The following CILK1 variants were observed in gnomAD, a reference collection of about 807,000 sequenced individuals.
CILK1 encodes the protein ciliogenesis associated kinase 1, also known as serine/threonine-protein kinase ICK.
CILK1 carries 47 observed loss-of-function variants against 79.2 expected under a neutral mutation model. The observed-to-expected ratio is 0.59, with a 90% CI of 0.47 to 0.76. CILK1 has a LOEUF of 0.76. Among genes scored for constraint, CILK1 ranks in the 30% least tolerant of loss-of-function variants. The probability of loss-of-function intolerance (pLI) is 0.00; values close to 1 mark genes in which losing one functional copy is unlikely to be tolerated. For missense variants in CILK1, 660 were observed against 769.5 expected (o/e 0.86, Z 1.68); for synonymous variants, 266 against 275.9 (o/e 0.96, Z 0.36).
Position 53,013,763 on chromosome 6 carries a change from A to AT in CILK1, c.1050_1051insA (p.Tyr351IlefsTer46). On this transcript the variant is annotated frameshift_variant, in exon 9 of 14. Coordinates refer to ENST00000676107, the MANE Select transcript of CILK1 (RefSeq NM_014920.5). LOFTEE classifies it high-confidence loss of function. ...TCTGTCCTGGAGACCTCTGCTTTGT[A>AT]GGGGTACGTGAGATGCAGAGGGGGC... 1 of 1,614,042 alleles carries AT rather than the reference A, an allele frequency of 6.2e-7. No homozygotes were observed. Among genetic ancestry groups the AT allele is most frequent in the Non-Finnish European group, 8.5e-7 (1 of 1,180,002 alleles).
chr6:53,054,992 C>A (rs960246440), intron 1 of CILK1, among the ~76,000 whole-genome samples: 1 of 152,180 alleles, frequency 6.6e-6, no homozygotes, highest in African/African-American at 2.4e-5. Context: ...TTAATGCCAT[C>A]ATTACACATT....
chr6:53,014,747 A>C (rs1764794272), intron 8 of CILK1, among the ~76,000 whole-genome samples: 1 of 152,238 alleles, frequency 6.6e-6, no homozygotes, highest in South Asian at 2.1e-4. Context: ...TCTAGCATCT[A>C]TTATAACTTG....
chr6:53,055,789 C>T (rs1258295419), intron 1 of CILK1, among the ~76,000 whole-genome samples: 1 of 152,128 alleles, frequency 6.6e-6, no homozygotes, highest in Non-Finnish European at 1.5e-5. Context: ...CAATCACTTG[C>T]AGATGATTTT....
At position 53,018,426 on chromosome 6, in the gene CILK1, G is replaced by A. The variant is rs376444173; in HGVS notation, c.567C>T (p.Ile189=). Residue 189 remains isoleucine (I), a synonymous_variant, in exon 7 of 14, where the codon ATC becomes ATT. Transcript: ENST00000676107. ...SPIDVWAVGC[I]MAEVYTLRPL... is the part of the protein sequence containing the mutation. ...GCCTGAGGGTGTAAACTTCTGCCAT[G>A]ATGCAGCCCACCGCCCAGACGTCAA... 82 of 1,614,028 alleles carry A rather than the reference G, an allele frequency of 5.1e-5. No individual in the cohort carries two copies. Among genetic ancestry groups the A allele is most frequent in the Non-Finnish European group, 6.7e-5 (79 of 1,180,018 alleles).
At chr6:53,013,227 G>C (rs1764682134) in intron 9 of CILK1, among the ~76,000 whole-genome samples, 1 of 152,194 alleles carries the variant, frequency 6.6e-6, no homozygotes, top group African/African-American at 2.4e-5. Context: ...TAGGTGCCAG[G>C]TATTATTCTA....
intron 5 of CILK1, among the ~76,000 whole-genome samples, chr6:53,029,422 G>C (rs1562023621): frequency 6.6e-6 from 1 of 152,210 alleles, no homozygotes; most frequent in Non-Finnish European, 1.5e-5. Context: ...TTCACAATTT[G>C]ACTCAGTCTT....
At position 53,004,148 on chromosome 6, in the gene CILK1, T is replaced by C. The variant is rs900743202; in HGVS notation, c.*1001A>G. 2.6e-5 allele frequency: 4 copies of C among 152,646 alleles called. No individual in the cohort carries two copies. The highest frequency in any genetic ancestry group is 4.4e-5 in the Non-Finnish European group (3 of 68,044). The allele number at this position is 152,646 out of a possible 1,614,324, so 9.5% of individuals were successfully genotyped here. Reference sequence around the variant, plus strand: ...CTGCTCCCCAAATTGTCCTGAGAATTTGGCTAGGACAGAACATTAGTCATT... The same window carrying C: ...CTGCTCCCCAAATTGTCCTGAGAATCTGGCTAGGACAGAACATTAGTCATT... On this transcript the variant is annotated 3_prime_UTR_variant, in exon 14 of 14. Coordinates refer to ENST00000676107, the MANE Select transcript of CILK1 (RefSeq NM_014920.5).
intron 1 of CILK1, among the ~76,000 whole-genome samples, chr6:53,051,388 G>T (rs1767472505): frequency 6.6e-6 from 1 of 152,200 alleles, no homozygotes; most frequent in South Asian, 2.1e-4. Flanking sequence ...GGTTTCTGGA[G>T]GTCAGAAGTC....
intron 9 of CILK1, 41 bp downstream of exon 9, chr6:53,013,621 T>C (rs373435993): frequency 9.2e-5 from 145 of 1,573,854 alleles, no homozygotes; most frequent in Non-Finnish European, 1.2e-4. Context: ...AGAAGAGGAA[T>C]AAACAGACAC....
intron 1 of CILK1, among the ~76,000 whole-genome samples, chr6:53,045,830 CAAA>C (rs200914621): frequency 8.3e-6 from 1 of 119,970 alleles, no homozygotes. Flanking sequence ...CTTGATTTGT[CAAA>C]AAAAAAAAAA....
At position 53,002,421 on chromosome 6, in the gene CILK1, CTTACA is replaced by C. The variant is rs746517007; in HGVS notation, c.*2723_*2727del. ...ACAGGTATATCATTTCTGTTGGTGT[CTTACA>C]TTACATTTCATAATTGTATAGTAAC... On this transcript the variant is annotated 3_prime_UTR_variant, in exon 14 of 14. Coordinates refer to ENST00000676107, the MANE Select transcript of CILK1 (RefSeq NM_014920.5). 5.3e-5 allele frequency: 8 copies of C among 152,094 alleles called. No individual in the cohort carries two copies. Among genetic ancestry groups the C allele is most frequent in the Non-Finnish European group, 8.8e-5 (6 of 68,038 alleles). The allele number at this position is 152,094 out of a possible 1,614,324, so 9.4% of individuals were successfully genotyped here.
intron 5 of CILK1, among the ~76,000 whole-genome samples, chr6:53,027,186 A>G (rs1765633229): frequency 6.6e-6 from 1 of 151,938 alleles, no homozygotes; most frequent in South Asian, 2.1e-4. Context: ...GGACTATCTC[A>G]AGGTCATGCA....
At position 53,013,726 on chromosome 6, in the gene CILK1, T is replaced by C. The variant is rs775135217; in HGVS notation, c.1088A>G (p.His363Arg). 1 of 1,614,140 alleles carries C rather than the reference T, an allele frequency of 6.2e-7. No homozygotes were observed. The highest frequency in any genetic ancestry group is 8.5e-7 in the Non-Finnish European group (1 of 1,180,018). The stretch of plus-strand genomic sequence containing the variant: ...CGGGCTTGGCTTGTCCTCCTGGAGA[T>C]GGCTTGGGTGATCTGTCCTGGAGAC... ...AEVSRTDHPSHLQEDKPSPLL... is the reference protein window; with the variant it reads ...AEVSRTDHPSRLQEDKPSPLL... Residue 363 changes from histidine to arginine, a missense_variant, in exon 9 of 14, where the codon CAT becomes CGT. By Grantham distance (29) the His-to-Arg change is conservative. Coordinates refer to ENST00000676107, the MANE Select transcript of CILK1 (RefSeq NM_014920.5).
intron 8 of CILK1, among the ~76,000 whole-genome samples, chr6:53,014,259 T>A (rs537559236): frequency 6.6e-5 from 10 of 152,310 alleles, no homozygotes; most frequent in African/African-American, 2.2e-4. Flanking sequence ...TCAACACAGA[T>A]CCTGGTTTTG....
chr6:53,023,226 C>T (rs925434186), intron 5 of CILK1, among the ~76,000 whole-genome samples: 1 of 152,172 alleles, frequency 6.6e-6, no homozygotes, highest in Admixed American at 6.5e-5. Context: ...AGCCACCGCA[C>T]CTGGCTAACC....
At chr6:53,036,073 T>C (rs1214825319) in intron 3 of CILK1, among the ~76,000 whole-genome samples, 2 of 152,210 alleles carry the variant, frequency 1.3e-5, no homozygotes, top group African/African-American at 4.8e-5. Flanking sequence ...TCTTCAACTA[T>C]CTTGCCGAGG....
intron 1 of CILK1, among the ~76,000 whole-genome samples, chr6:53,041,908 C>A (rs1562036644): frequency 1.3e-5 from 2 of 148,922 alleles, no homozygotes; most frequent in African/African-American, 4.9e-5. Flanking sequence ...ATTACCTTAC[C>A]TTTTTTTTTT....
At chr6:53,021,163 A>G (rs1414920558) in intron 5 of CILK1, among the ~76,000 whole-genome samples, 1 of 152,136 alleles carries the variant, frequency 6.6e-6, no homozygotes, top group Admixed American at 6.5e-5. Flanking sequence ...CTCTACTAAA[A>G]ATATTTTAAA....
chr6:53,019,420 A>T (rs1765085594), intron 5 of CILK1, 61 bp from the exon 6 acceptor site: 1 of 1,575,128 alleles, frequency 6.3e-7, no homozygotes, highest in African/African-American at 1.4e-5. Flanking sequence ...TATTCTTTGC[A>T]ATTGTATTGC....
Sources: gnomAD v4.1 joint callset for allele counts (sites outside exome capture counted in the v4.1 genomes callset) on GRCh38, gnomAD v4.1.1 for gene constraint, MANE v1.5 for transcripts, NCBI Gene and HGNC (gene_info 2026-07-23, HGNC 2026-07-21) for gene names.